NDUFAF5: variants seen among roughly 807,000 people sequenced by gnomAD.
NDUFAF5 encodes arginine-hydroxylase NDUFAF5, mitochondrial.
Under a neutral mutation model 48.9 loss-of-function variants are expected in NDUFAF5, and 34 were observed. That is an observed-to-expected ratio of 0.70 (90% CI 0.53 to 0.93). The LOEUF is 0.93. NDUFAF5 is among the 40% of genes least tolerant of loss of function. NDUFAF5 has a pLI of 0.00. For missense variants in NDUFAF5, 428 were observed against 427.5 expected, an observed-to-expected ratio of 1.00 and a Z score of -0.01; for synonymous variants, 153 against 150.6, an observed-to-expected ratio of 1.02 and a Z score of -0.12.
At chr20:13,800,287 T>G (rs1029918332) in intron 6 of NDUFAF5, among the ~76,000 whole-genome samples, 3 of 152,222 alleles carry the variant, frequency 2.0e-5, no homozygotes, top group Admixed American at 1.3e-4. Flanking sequence ...GAAGCAACAC[T>G]AAAGGTGAAG....
intron 8 of NDUFAF5, 113 bp downstream of exon 8, chr20:13,809,015 C>T: frequency 1.4e-6 from 1 of 735,264 alleles, no homozygotes; most frequent in East Asian, 2.6e-5. Flanking sequence ...TTGGCAGGCA[C>T]TGGGCAAAGC....
chr20:13,787,065 ATGTG>A (rs71188187), intron 1 of NDUFAF5: 13 of 508,328 alleles, frequency 2.6e-5, no homozygotes, highest in Middle Eastern at 5.5e-4. Flanking sequence ...ACATATATAT[ATGTG>A]TGTGTGTGTG....
At chr20:13,800,546 T>G (rs566525805) in intron 6 of NDUFAF5, among the ~76,000 whole-genome samples, 1 of 152,250 alleles carries the variant, frequency 6.6e-6, no homozygotes, top group African/African-American at 2.4e-5. Flanking sequence ...TCTCTGGCCA[T>G]TATTTTCCTT....
intron 2 of NDUFAF5, 119 bp downstream of exon 2, chr20:13,787,471 G>T: frequency 1.1e-6 from 1 of 921,652 alleles, no homozygotes; most frequent in South Asian, 1.3e-5. Context: ...TCAGACTGGT[G>T]ATTTAAATCA....
rs1474759522 is a variant in NDUFAF5, at chr20:13,785,040, A to G, written c.-29A>G. 6.3e-7 allele frequency: 1 copy of G among 1,594,356 alleles called. No individual in the cohort carries two copies. Among genetic ancestry groups the G allele is most frequent in the African/African-American group, 1.3e-5 (1 of 74,542 alleles). On this transcript the variant is annotated 5_prime_UTR_variant, in exon 1 of 11. Coordinates refer to ENST00000378106, the MANE Select transcript of NDUFAF5 (RefSeq NM_024120.5). ...GCCGCGCTGGCGCATGCGCACAAAA[A>G]GCGCCGGCAATTGGGGTCGCAGCTG... is the stretch of plus-strand genomic sequence containing the variant.
chr20:13,816,306 C>G lies in NDUFAF5; in HGVS notation c.779-157C>G, dbSNP rs1226012739. On this transcript the variant is annotated intron_variant, in intron 8 of 10. Coordinates refer to ENST00000378106, the MANE Select transcript of NDUFAF5 (RefSeq NM_024120.5). ...TTTCGCTTTAGAGTCACTAAGAAACCCAGTTATAATCTGAAAGTGAAATGA... is the reference window on the plus strand; with the variant it reads ...TTTCGCTTTAGAGTCACTAAGAAACGCAGTTATAATCTGAAAGTGAAATGA... The G allele has an allele frequency of 5.7e-6, 4 of 696,288 alleles. No individual in the cohort carries two copies. In the African/African-American group the frequency reaches 7.0e-5, roughly 12 times the overall value. 43.1% of individuals were successfully genotyped at this position (696,288 alleles called of 1,614,324 possible). A position where few individuals can be genotyped will look rare whatever the true frequency, so the allele number is the denominator to read the frequency against.
Position 13,817,580 on chromosome 20 carries a change from C to G in NDUFAF5, c.*370C>G, listed in dbSNP as rs1301444864. 2 of 459,666 alleles carry G rather than the reference C, an allele frequency of 4.4e-6. No homozygotes were observed. The highest frequency in any genetic ancestry group is 3.1e-5 in the South Asian group (2 of 64,530). 28.5% of individuals were successfully genotyped at this position (459,666 alleles called of 1,614,324 possible). ...CCTTGAAGAGGAACAGATGAATATG[C>G]ACCTTCTCCAGAGTTATGTGGTTTT... On this transcript the variant is annotated 3_prime_UTR_variant, in exon 11 of 11. Coordinates refer to ENST00000378106, the MANE Select transcript of NDUFAF5 (RefSeq NM_024120.5).
intron 7 of NDUFAF5, among the ~76,000 whole-genome samples, chr20:13,802,200 A>G (rs1426287042): frequency 2.0e-5 from 3 of 152,190 alleles, no homozygotes; most frequent in Admixed American, 6.5e-5. Flanking sequence ...AAATCTCGAA[A>G]GAAGACCCAT....
At chr20:13,797,307 A>G (rs1340587146) in intron 5 of NDUFAF5, among the ~76,000 whole-genome samples, 1 of 152,240 alleles carries the variant, frequency 6.6e-6, no homozygotes, top group African/African-American at 2.4e-5. Flanking sequence ...TGTTTATAGT[A>G]GCCTTATTCA....
intron 8 of NDUFAF5, chr20:13,816,086 A>G (rs745820279): frequency 2.8e-6 from 1 of 351,504 alleles, no homozygotes; most frequent in Non-Finnish European, 5.6e-6. Flanking sequence ...GTCCTCCTCC[A>G]AAGAGCAGCT....
intron 8 of NDUFAF5, among the ~76,000 whole-genome samples, chr20:13,814,970 C>T (rs1219623450): frequency 6.6e-6 from 1 of 152,122 alleles, no homozygotes; most frequent in South Asian, 2.1e-4. Flanking sequence ...CTGTGCTCTG[C>T]AGTAGTGCTC....
chr20:13,807,942 C>A (rs1335968012), intron 7 of NDUFAF5, among the ~76,000 whole-genome samples: 6 of 96,330 alleles, frequency 6.2e-5, no homozygotes, highest in Non-Finnish European at 1.0e-4. Context: ...CAGCAAGAAT[C>A]CGTCTTAAAA....
chr20:13,806,806 A>G (rs554200404), intron 7 of NDUFAF5, among the ~76,000 whole-genome samples: 2 of 152,220 alleles, frequency 1.3e-5, no homozygotes, highest in Non-Finnish European at 2.9e-5. Context: ...AAAAGCATAC[A>G]CAACCTGATA....
Position 13,816,590 on chromosome 20 carries a change from T to G in NDUFAF5, c.862+44T>G, listed in dbSNP as rs966969004. The G allele has an allele frequency of 2.7e-6, 4 of 1,471,916 alleles. No homozygotes were observed. The African/African-American group carries it at 4.2e-5, about 15-fold the overall frequency. 91.2% of individuals were successfully genotyped at this position (1,471,916 alleles called of 1,614,324 possible). On this transcript the variant is annotated intron_variant, in intron 9 of 10. Transcript: ENST00000378106. ...TTCACCCGCCTCACCAAGGCACTTG[T>G]GCTGTATCATGTTGATTCCCTTCAC...
At position 13,785,288 on chromosome 20, in the gene NDUFAF5, G is replaced by T; in HGVS notation, c.220G>T (p.Glu74Ter). Residue 74 changes from glutamate to a stop codon, truncating the protein, a stop_gained and splice_region_variant, in exon 1 of 11, where the codon GAG (glutamate) becomes TAG (stop). Transcript: ENST00000378106. LOFTEE classifies it high-confidence loss of function. ...EPTKFDYLKE[E>*]VGSRIADRVY... is the part of the protein sequence containing the mutation. The stretch of plus-strand genomic sequence containing the variant: ...GACCAAATTTGACTACCTGAAGGAG[G>T]AGGTGAGCCCGCGGGGCGGCGGGGC... 6.2e-7 allele frequency: 1 copy of T among 1,604,956 alleles called. No homozygotes were observed.
At chr20:13,788,352 C>G (rs1981568733) in intron 2 of NDUFAF5, among the ~76,000 whole-genome samples, 1 of 152,154 alleles carries the variant, frequency 6.6e-6, no homozygotes, top group Admixed American at 6.5e-5. Context: ...GAGTCCACAT[C>G]ATGGAGCCAC....
chr20:13,814,372 A>G lies in NDUFAF5; in HGVS notation c.779-2091A>G, dbSNP rs2273318. On this transcript the variant is annotated intron_variant, in intron 8 of 10. Transcript: ENST00000378106. ...ACATTTGTGGTGTATTTTTTTTCTT[A>G]ATGGTTGTGGTGTGTCTCATTTAAG... 125,599 of 957,642 alleles carry G rather than the reference A, an allele frequency of 0.13. 10,957 individuals carry two copies. Among genetic ancestry groups the G allele is most frequent in the East Asian group, 0.43 (7,120 of 16,402 alleles). The allele number at this position is 957,642 out of a possible 1,614,324, so 59.3% of individuals were successfully genotyped here.
chr20:13,816,852 T>G, intron 9 of NDUFAF5, 23 bp from the exon 10 acceptor site: 1 of 1,554,664 alleles, frequency 6.4e-7, no homozygotes. Context: ...TTTTTCAGAC[T>G]TTAACCATTA....
chr20:13,788,637 A>T lies in NDUFAF5; in HGVS notation c.312A>T (p.Ala104=), dbSNP rs989487744. 6.2e-7 allele frequency: 1 copy of T among 1,609,550 alleles called. No individual in the cohort carries two copies. The highest frequency in any genetic ancestry group is 8.5e-7 in the Non-Finnish European group (1 of 1,176,042). Residue 104 remains alanine, a synonymous_variant, in exon 3 of 11, where the codon GCA becomes GCT. Coordinates refer to ENST00000378106, the MANE Select transcript of NDUFAF5 (RefSeq NM_024120.5). ...LDLGCGRGYI[A]QYLNKETIGK... ...TTGGTTGTGGAAGAGGTTACATTGC[A>T]CAATATTTGAATAAGGTATATTTAT...
Sources: allele counts gnomAD v4.1 joint callset (sites outside exome capture counted in the v4.1 genomes callset), GRCh38; gene constraint gnomAD v4.1.1; transcripts MANE v1.5; gene names NCBI Gene and HGNC (gene_info 2026-07-23, HGNC 2026-07-21).